USP25: variants seen among roughly 807,000 people sequenced by gnomAD.
USP25 encodes the protein ubiquitin specific peptidase 25, also known as ubiquitin carboxyl-terminal hydrolase 25.
In USP25, 85 loss-of-function variants were observed where a neutral mutation model predicts 158.5. That is an observed-to-expected ratio of 0.54 (90% CI 0.45 to 0.64). The LOEUF (loss-of-function observed/expected upper bound fraction) is 0.64, where lower values mean the gene tolerates loss of function less well. Among genes scored for constraint, USP25 ranks in the 30% least tolerant of loss-of-function variants. The pLI is 0.00. For synonymous variants in USP25, 464 were observed against 460.4 expected (o/e 1.01, Z -0.10); for missense variants, 1,242 against 1,327.3 (o/e 0.94, Z 1.00).
chr21:15,769,356 T>C (rs2034218561), intron 3 of USP25, among the ~76,000 whole-genome samples: 1 of 152,148 alleles, frequency 6.6e-6, no homozygotes, highest in Non-Finnish European at 1.5e-5. Flanking sequence ...GTACACCTCA[T>C]GTCTTTACTT....
intron 23 of USP25, 98 bp from the exon 24 acceptor site, chr21:15,874,305 A>G: frequency 1.8e-6 from 2 of 1,131,740 alleles, no homozygotes; most frequent in Non-Finnish European, 2.5e-6. Flanking sequence ...TAGATTATCA[A>G]AACTTAAGCA....
intron 1 of USP25, among the ~76,000 whole-genome samples, chr21:15,743,415 G>A (rs1174136625): frequency 6.6e-6 from 1 of 152,152 alleles, no homozygotes; most frequent in East Asian, 1.9e-4. Flanking sequence ...ATGTTATTGA[G>A]CAACAGAAAA....
intron 19 of USP25, among the ~76,000 whole-genome samples, chr21:15,849,543 T>A (rs1204895289): frequency 6.6e-6 from 1 of 152,142 alleles, no homozygotes; most frequent in Admixed American, 6.6e-5. Flanking sequence ...TTTTTCAAAT[T>A]CTCCAATTCA....
Position 15,730,365 on chromosome 21 carries a change from C to G in USP25, c.-29C>G. 9.2e-7 allele frequency: 1 copy of G among 1,083,882 alleles called. No individual in the cohort carries two copies. The allele number at this position is 1,083,882 out of a possible 1,614,324, so 67.1% of individuals were successfully genotyped here. A position where few individuals can be genotyped will look rare whatever the true frequency, so the allele number is the denominator to read the frequency against. ...AGGCGCGAGGAGCCGGGCGCCACCG[C>G]CGCCGCCGCCGCCGCCGCCGCGGGG... On this transcript the variant is annotated 5_prime_UTR_variant, in exon 1 of 26. Transcript: ENST00000400183.
In USP25 at chr21:15,864,334, T is replaced by C. The variant is rs750545124; in HGVS notation, c.2614T>C (p.Tyr872His). ...AGAAGACACCCCACCAGAAACCGAT[T>C]ATCGTTTACATCATGTAGTGGTCTA... ...AQEDTPPETD[Y>H]RLHHVVVYFI... Residue 872 changes from tyrosine (Y) to histidine (H), a missense_variant, in exon 21 of 26, where the codon TAT (tyrosine) becomes CAT (histidine). Tyr to His is a moderately conservative substitution (Grantham distance 83). This residue lies in a region of USP25 where 608 missense variants were observed against 605.2 expected (regional missense o/e 1.00). Coordinates refer to ENST00000400183, the MANE Select transcript of USP25 (RefSeq NM_001283041.3). 8.1e-6 allele frequency: 13 copies of C among 1,613,314 alleles called. No homozygotes were observed. The South Asian group carries it at 1.4e-4, about 18-fold the overall frequency.
chr21:15,827,570 G>A (rs2037574267), intron 14 of USP25, among the ~76,000 whole-genome samples: 1 of 152,122 alleles, frequency 6.6e-6, no homozygotes, highest in Non-Finnish European at 1.5e-5. Context: ...TTTGCACAGG[G>A]AGTTCCGGTG....
At chr21:15,788,336 G>A (rs1326181287) in intron 4 of USP25, among the ~76,000 whole-genome samples, 1 of 151,974 alleles carries the variant, frequency 6.6e-6, no homozygotes, top group East Asian at 1.9e-4. Flanking sequence ...GATTATAGAA[G>A]GGGATCAGGT....
At chr21:15,863,671 T>C (rs752639437) in intron 20 of USP25, among the ~76,000 whole-genome samples, 12 of 152,214 alleles carry the variant, frequency 7.9e-5, no homozygotes, top group Non-Finnish European at 1.5e-4. Flanking sequence ...TTACTCACAT[T>C]GTAAGTTTAG....
At chr21:15,741,280 T>C (rs1195814487) in intron 1 of USP25, among the ~76,000 whole-genome samples, 1 of 149,280 alleles carries the variant, frequency 6.7e-6, no homozygotes, top group East Asian at 2.0e-4. Context: ...CATGTACCTT[T>C]TGATGTACTT....
intron 10 of USP25, 83 bp downstream of exon 10, chr21:15,818,929 G>A (rs1005284136): frequency 7.0e-7 from 1 of 1,420,122 alleles, no homozygotes. Context: ...TCTAATTATA[G>A]AGCTACCTAA....
intron 7 of USP25, 79 bp downstream of exon 7, chr21:15,805,337 G>A: frequency 7.8e-7 from 1 of 1,289,470 alleles, no homozygotes; most frequent in Non-Finnish European, 1.0e-6. Context: ...CCAAGAATAT[G>A]AGACTATTTG....
In USP25 at chr21:15,826,473, A is replaced by G. The variant is rs1390568588; in HGVS notation, c.1466+108A>G. The G allele has an allele frequency of 6.1e-6, 8 of 1,304,328 alleles. No individual in the cohort carries two copies. The highest frequency in any genetic ancestry group is 2.8e-5 in the South Asian group (2 of 72,374). 80.8% of individuals were successfully genotyped at this position (1,304,328 alleles called of 1,614,324 possible). ...TAAAATGTATGCTTTGATTTACTTC[A>G]GTGAACTCCTAAGAGTAGATTCACT... On this transcript the variant is annotated intron_variant, in intron 13 of 25. Transcript: ENST00000400183. This position sits in a 1 kb window ranked among gnomAD's most constrained non-coding sequence, Gnocchi z 4.8.
rs1490060700 is a variant in USP25 at position 15,816,782 on chromosome 21, A to C, written c.932-1916A>C. Among the ~76,000 whole-genome samples the C allele has an allele frequency of 6.8e-6, 1 of 147,354 alleles. No homozygotes were observed. The highest frequency in any genetic ancestry group is 2.7e-5 in the African/African-American group (1 of 36,982). On this transcript the variant is annotated intron_variant, in intron 9 of 25. Coordinates refer to ENST00000400183, the MANE Select transcript of USP25 (RefSeq NM_001283041.3). The surrounding 1 kb of genome is among the most constrained non-coding windows in gnomAD (Gnocchi z 4.0). ...TAATGAACCAGTGATTTCCACTGCT[A>C]CCTCAAAACTAAAGAAAAAAAAAAT...
At chr21:15,840,254 T>G (rs921272568) in intron 17 of USP25, among the ~76,000 whole-genome samples, 1 of 152,196 alleles carries the variant, frequency 6.6e-6, no homozygotes, top group East Asian at 1.9e-4. Flanking sequence ...TTATCTCAAG[T>G]ATGTGTATTG....
intron 17 of USP25, among the ~76,000 whole-genome samples, chr21:15,839,948 G>A (rs1010047273): frequency 1.3e-5 from 2 of 152,016 alleles, no homozygotes; most frequent in African/African-American, 2.4e-5. Context: ...GAGTCTTTGT[G>A]AGTTTCTCTG....
At chr21:15,730,984 T>TTTG (rs1365800996) in intron 1 of USP25, among the ~76,000 whole-genome samples, 1 of 129,494 alleles carries the variant, frequency 7.7e-6, no homozygotes, top group Non-Finnish European at 1.5e-5. Context: ...CTGTTTTTTT[T>TTTG]TTTTTTTTTT....
chr21:15,745,706 C>T (rs912193345), intron 1 of USP25, among the ~76,000 whole-genome samples: 2 of 152,064 alleles, frequency 1.3e-5, no homozygotes, highest in Non-Finnish European at 2.9e-5. Context: ...GAACTCGCGA[C>T]CTCAGGTGAT....
chr21:15,759,924 T>C (rs2033625608), intron 1 of USP25, among the ~76,000 whole-genome samples: 1 of 152,242 alleles, frequency 6.6e-6, no homozygotes, highest in African/African-American at 2.4e-5. Context: ...TATTCATCCA[T>C]TTTGATACTT....
At chr21:15,864,476 CA>C (rs1163003889) in intron 21 of USP25, 30 bp downstream of exon 21, 15 of 1,530,524 alleles carry the variant, frequency 9.8e-6, no homozygotes, top group African/African-American at 1.4e-5. Context: ...TTCATATGCT[CA>C]AATCGTTCTT....
Sources: gnomAD v4.1 joint callset for allele counts (sites outside exome capture counted in the v4.1 genomes callset) on GRCh38, gnomAD v4.1.1 for gene constraint, gnomAD v4.1.1 regional missense constraint, Gnocchi (gnomAD v3.1) non-coding constraint, MANE v1.5 for transcripts, NCBI Gene and HGNC (gene_info 2026-07-23, HGNC 2026-07-21) for gene names.